Variants in PSD3 observed in about 807,000 individuals in gnomAD.
PSD3 encodes the protein pleckstrin and Sec7 domain containing 3.
PSD3 carries 49 observed loss-of-function variants against 105.5 expected under a neutral mutation model. The observed-to-expected ratio is 0.46, with a 90% CI of 0.37 to 0.59. The LOEUF (loss-of-function observed/expected upper bound fraction) is 0.59. PSD3 is among the 20% of genes least tolerant of loss of function. The pLI is 0.00. For synonymous variants in PSD3, 557 were observed against 457.8 expected (o/e 1.22, Z -2.77); for missense variants, 1,561 against 1,263.8 (o/e 1.24, Z -3.57).
chr8:18,577,663 T>C (rs995993498), intron 12 of PSD3, among the ~76,000 whole-genome samples: 2 of 152,120 alleles, frequency 1.3e-5, no homozygotes, highest in African/African-American at 2.4e-5. Flanking sequence ...AAAGAGTCTT[T>C]CTTTTACGAA....
intron 2 of PSD3, chr8:18,924,804 T>G (rs182921380): frequency 6.6e-6 from 1 of 152,266 alleles, no homozygotes; most frequent in Admixed American, 6.5e-5. Flanking sequence ...AGCTTCTTCT[T>G]TGCACTAAAA....
At chr8:18,866,331 G>C (rs950191221) in intron 4 of PSD3, among the ~76,000 whole-genome samples, 1 of 152,160 alleles carries the variant, frequency 6.6e-6, no homozygotes, top group African/African-American at 2.4e-5. Flanking sequence ...AGAGATACAA[G>C]AAGTCTAGAT....
chr8:18,551,855 C>T (rs1357571880), intron 15 of PSD3, among the ~76,000 whole-genome samples: 2 of 152,088 alleles, frequency 1.3e-5, no homozygotes, highest in African/African-American at 2.4e-5. Flanking sequence ...AGCCCATGTT[C>T]AAAGATCTAA....
chr8:19,018,956 CA>C (rs1413559818), intron 1 of PSD3, among the ~76,000 whole-genome samples: 1 of 152,122 alleles, frequency 6.6e-6, no homozygotes, highest in African/African-American at 2.4e-5. Flanking sequence ...ACAGCCACAC[CA>C]GGCTAATTTT....
intron 4 of PSD3, among the ~76,000 whole-genome samples, chr8:18,863,550 G>C (rs950434021): frequency 1.3e-5 from 2 of 152,154 alleles, no homozygotes; most frequent in Admixed American, 6.5e-5. Flanking sequence ...GGCAGAGCAA[G>C]CACCTGGGAG....
At chr8:18,568,509 A>C (rs972690795) in intron 14 of PSD3, among the ~76,000 whole-genome samples, 15 of 152,070 alleles carry the variant, frequency 9.9e-5, no homozygotes, top group African/African-American at 3.1e-4. Flanking sequence ...CACAGTCCCC[A>C]GCTGTCCAAG....
intron 1 of PSD3, among the ~76,000 whole-genome samples, chr8:18,939,613 G>T (rs1166567042): frequency 6.6e-6 from 1 of 151,730 alleles, no homozygotes; most frequent in African/African-American, 2.4e-5. Context: ...CTCCTGAGAA[G>T]TTGGGATACA....
intron 14 of PSD3, among the ~76,000 whole-genome samples, chr8:18,564,456 C>T (rs1801603533): frequency 6.6e-6 from 1 of 151,956 alleles, no homozygotes; most frequent in Non-Finnish European, 1.5e-5. Flanking sequence ...TGGTGAAACC[C>T]CGTCTCTACT....
At chr8:18,739,309 GA>G (rs1292227514) in intron 9 of PSD3, among the ~76,000 whole-genome samples, 3 of 152,110 alleles carry the variant, frequency 2.0e-5, no homozygotes, top group East Asian at 1.9e-4. Flanking sequence ...CTATTTAAGG[GA>G]AAAAATAGGT....
At chr8:18,927,590 C>A (rs1240375867) in intron 2 of PSD3, among the ~76,000 whole-genome samples, 3 of 152,190 alleles carry the variant, frequency 2.0e-5, no homozygotes, top group Non-Finnish European at 2.9e-5. Flanking sequence ...CAGCCCTTCG[C>A]TCCTCCCAGG....
intron 14 of PSD3, among the ~76,000 whole-genome samples, chr8:18,562,549 C>G (rs1801459541): frequency 1.3e-5 from 2 of 152,248 alleles, no homozygotes; most frequent in South Asian, 2.1e-4. Flanking sequence ...CTCAAACGTG[C>G]AGGCTGGACT....
In PSD3 at chr8:19,072,382, C is replaced by T. The variant is rs117839853; in HGVS notation, c.324+11824G>A. Among the ~76,000 whole-genome samples the T allele has an allele frequency of 9.7e-3, 1,479 of 152,252 alleles. 14 individuals carry two copies. Among genetic ancestry groups the T allele is most frequent in the Middle Eastern group, 0.048 (14 of 294 alleles). ...GATTATAGGACTGAGCCACGGAGCC[C>T]GGATGGTTTTCTGAACATTTCTAAG... On this transcript the variant is annotated intron_variant, in intron 1 of 1. Transcript: ENST00000521475.
At chr8:18,983,524 G>A (rs1290455042) in intron 1 of PSD3, among the ~76,000 whole-genome samples, 3 of 152,100 alleles carry the variant, frequency 2.0e-5, no homozygotes, top group Admixed American at 2.0e-4. Flanking sequence ...TTCCTTCCAC[G>A]TGAACACTTA....
At chr8:18,593,289 C>CA (rs1803747712) in intron 12 of PSD3, among the ~76,000 whole-genome samples, 1 of 152,258 alleles carries the variant, frequency 6.6e-6, no homozygotes, top group East Asian at 1.9e-4. Context: ...AATAAACAAA[C>CA]AACCCCATCA....
At chr8:18,682,896 C>T (rs1305676153) in intron 9 of PSD3, among the ~76,000 whole-genome samples, 1 of 152,020 alleles carries the variant, frequency 6.6e-6, no homozygotes. Context: ...CTGAGATCCA[C>T]CTCCTGACGC....
rs757185117 is a variant in PSD3 at position 18,872,656 on chromosome 8, C to T, written c.208G>A (p.Gly70Arg). Residue 70 changes from glycine to arginine, a missense_variant, in exon 3 of 16, where the codon GGA becomes AGA. Gly to Arg is a moderately radical substitution (Grantham distance 125, BLOSUM62 -2). Transcript: ENST00000327040. ...FPEYGTMEEGGEGLRASLEFD... is the reference protein window; with the variant it reads ...FPEYGTMEEGREGLRASLEFD... ...TCCAGAGAAGCCCTTAGGCCTTCTCCACCTTCCTCCATGGTCCCATATTCT... is the reference window on the plus strand; with the variant it reads ...TCCAGAGAAGCCCTTAGGCCTTCTCTACCTTCCTCCATGGTCCCATATTCT... 8.1e-6 allele frequency: 13 copies of T among 1,610,096 alleles called. No individual in the cohort carries two copies. The highest frequency in any genetic ancestry group is 5.5e-5 in the South Asian group (5 of 90,304).
chr8:18,602,069 C>T (rs2130580837), intron 11 of PSD3, among the ~76,000 whole-genome samples: 1 of 152,256 alleles, frequency 6.6e-6, no homozygotes, highest in South Asian at 2.1e-4. Context: ...AAAGCATTGG[C>T]TAATGCTGGA....
At chr8:18,576,762 G>A (rs1052761739) in intron 12 of PSD3, among the ~76,000 whole-genome samples, 3 of 152,026 alleles carry the variant, frequency 2.0e-5, no homozygotes, top group African/African-American at 7.2e-5. Flanking sequence ...ACTGGAATGA[G>A]GAGAAATGAT....
At chr8:18,716,654 T>C (rs969319761) in intron 9 of PSD3, among the ~76,000 whole-genome samples, 9 of 152,206 alleles carry the variant, frequency 5.9e-5, no homozygotes, top group Admixed American at 3.9e-4. Context: ...TGTAGAAGGA[T>C]GTTATAGGAT....
Sources: gnomAD v4.1 joint callset for allele counts (sites outside exome capture counted in the v4.1 genomes callset) on GRCh38, gnomAD v4.1.1 for gene constraint, MANE v1.5 for transcripts, NCBI Gene and HGNC (gene_info 2026-07-23, HGNC 2026-07-21) for gene names.